MAGI2: variants seen among roughly 807,000 people sequenced by gnomAD.
MAGI2 encodes membrane associated guanylate kinase, WW and PDZ domain containing 2, also known as membrane-associated guanylate kinase, WW and PDZ domain-containing protein 2.
In MAGI2, 35 loss-of-function variants were observed where a neutral mutation model predicts 133.3. The observed-to-expected ratio is 0.26, with a 90% CI of 0.20 to 0.35. The LOEUF is 0.35. Ranked by LOEUF, MAGI2 falls within the 10% of genes least tolerant of loss-of-function variation. The probability of loss-of-function intolerance (pLI) is 1.00; values close to 1 mark genes in which losing one functional copy is unlikely to be tolerated. For synonymous variants in MAGI2, 729 were observed against 710.6 expected, an observed-to-expected ratio of 1.03 and a Z score of -0.41; for missense variants, 1,636 against 1,863.4, an observed-to-expected ratio of 0.88 and a Z score of 2.25.
chr7:79,271,680 T>TTG (rs66682232), intron 1 of MAGI2, among the ~76,000 whole-genome samples: 42 of 151,568 alleles, frequency 2.8e-4, no homozygotes, highest in Admixed American at 7.2e-4. Context: ...TTTTTTTTTT[T>TTG]TGTGAAGACT....
intron 1 of MAGI2, among the ~76,000 whole-genome samples, chr7:79,184,537 T>G (rs1480958875): frequency 6.6e-6 from 1 of 151,804 alleles, no homozygotes; most frequent in East Asian, 1.9e-4. Context: ...ATGTTCACTC[T>G]ATAGCAGTAG....
intron 2 of MAGI2, among the ~76,000 whole-genome samples, chr7:78,922,025 T>C (rs1022249417): frequency 2.0e-5 from 3 of 152,128 alleles, no homozygotes; most frequent in Admixed American, 1.3e-4. Context: ...TGAAGAAATA[T>C]GATTTCCTAC....
chr7:78,127,364 G>A lies in MAGI2; in HGVS notation c.3256C>T (p.Pro1086Ser). The A allele has an allele frequency of 6.2e-7, 1 of 1,608,590 alleles. No homozygotes were observed. Among genetic ancestry groups the A allele is most frequent in the African/African-American group, 1.3e-5 (1 of 75,052 alleles). ...RQDVKPDIRQ[P>S]PFTDYRQPPL... ...GGCTGCCTGTAGTCTGTGAATGGAGGCTGTCGGATGTCTGGTTTCACATCT... is the reference window on the plus strand; with the variant it reads ...GGCTGCCTGTAGTCTGTGAATGGAGACTGTCGGATGTCTGGTTTCACATCT... The change falls in exon 19 of 22, where the codon CCT becomes TCT. Residue 1086 changes from proline (P) to serine (S), a missense_variant. By Grantham distance (74) the Pro-to-Ser change is moderately conservative. Transcript: ENST00000354212.
intron 6 of MAGI2, among the ~76,000 whole-genome samples, chr7:78,375,838 A>G (rs1452927013): frequency 6.6e-6 from 1 of 152,034 alleles, no homozygotes; most frequent in African/African-American, 2.4e-5. Context: ...GGTCTTTAGG[A>G]GTTTGAGGAA....
intron 2 of MAGI2, among the ~76,000 whole-genome samples, chr7:78,880,707 C>G (rs952483907): frequency 2.0e-5 from 3 of 152,136 alleles, no homozygotes; most frequent in African/African-American, 4.8e-5. Flanking sequence ...ATGATAGAAT[C>G]AAAACCTCAC....
At chr7:78,832,371 G>A (rs1020458676) in intron 2 of MAGI2, among the ~76,000 whole-genome samples, 1 of 152,004 alleles carries the variant, frequency 6.6e-6, no homozygotes, top group African/African-American at 2.4e-5. Flanking sequence ...GGAAATACAT[G>A]AATACATAAA....
intron 21 of MAGI2, among the ~76,000 whole-genome samples, chr7:78,068,846 C>T (rs41451946): frequency 0.043 from 6,567 of 152,186 alleles, 191 homozygotes; most frequent in South Asian, 0.076. Context: ...TTTGAGCAGC[C>T]GGGCTTTGTT....
At chr7:78,954,252 T>G (rs1340866299) in intron 2 of MAGI2, among the ~76,000 whole-genome samples, 1 of 152,102 alleles carries the variant, frequency 6.6e-6, no homozygotes, top group East Asian at 1.9e-4. Context: ...TTTTCAGCAA[T>G]AAGTTTTTAT....
chr7:78,478,335 G>T (rs1199528166), intron 6 of MAGI2, among the ~76,000 whole-genome samples: 2 of 151,844 alleles, frequency 1.3e-5, no homozygotes, highest in Admixed American at 1.3e-4. Flanking sequence ...AGGCCTTAAT[G>T]TCTCTAGTTT....
intron 2 of MAGI2, among the ~76,000 whole-genome samples, chr7:78,767,345 C>T (rs1825134796): frequency 6.7e-6 from 1 of 149,020 alleles, no homozygotes; most frequent in Admixed American, 6.7e-5. Flanking sequence ...AAAGGCAACA[C>T]ACTTTTTTTT....
intron 1 of MAGI2, among the ~76,000 whole-genome samples, chr7:79,400,082 C>T (rs1285361056): frequency 1.3e-5 from 2 of 152,082 alleles, no homozygotes; most frequent in Non-Finnish European, 2.9e-5. Context: ...TTAGTAAAAG[C>T]CCATTTTTCT....
rs563177658 is a variant in MAGI2 at position 78,512,862 on chromosome 7, T to C, written c.754+8568A>G. Among the ~76,000 whole-genome samples the C allele has an allele frequency of 9.2e-5, 14 of 152,296 alleles. No homozygotes were observed. In the East Asian group the frequency reaches 2.7e-3, roughly 29 times the overall value. ...TTATGAAAATAGAAAATTCAAAGTC[T>C]GTGGGTAGAAGGTGACAAGGAAAAC... On this transcript the variant is annotated intron_variant, in intron 4 of 21. Transcript: ENST00000354212.
intron 6 of MAGI2, among the ~76,000 whole-genome samples, chr7:78,402,518 T>A (rs1364811609): frequency 6.6e-6 from 1 of 152,208 alleles, no homozygotes; most frequent in Admixed American, 6.5e-5. Context: ...TTTATGCATT[T>A]GGAATTTTCA....
intron 2 of MAGI2, among the ~76,000 whole-genome samples, chr7:79,000,554 T>C (rs111772971): frequency 0.052 from 7,938 of 152,284 alleles, 265 homozygotes; most frequent in Non-Finnish European, 0.08. Flanking sequence ...TCTGTGATCA[T>C]AGTCTTCTAG....
intron 6 of MAGI2, among the ~76,000 whole-genome samples, chr7:78,458,318 G>C (rs921209907): frequency 2.3e-5 from 3 of 130,298 alleles, no homozygotes; most frequent in African/African-American, 8.0e-5. Flanking sequence ...AAGAATAAAA[G>C]AGTAAAATTG....
chr7:79,043,561 A>G (rs1468283423), intron 1 of MAGI2, among the ~76,000 whole-genome samples: 14 of 150,812 alleles, frequency 9.3e-5, no homozygotes, highest in African/African-American at 2.2e-4. Context: ...AAAAAAAAAA[A>G]AAAGAAATTG....
At chr7:79,090,045 A>C (rs1816915687) in intron 1 of MAGI2, among the ~76,000 whole-genome samples, 1 of 152,114 alleles carries the variant, frequency 6.6e-6, no homozygotes, top group African/African-American at 2.4e-5. Context: ...ATTAAAAAAT[A>C]GAAGATTTTT....
rs140466499 is a variant in MAGI2 at position 79,418,581 on chromosome 7, A to G, written c.301+34439T>C. 4.3e-4 allele frequency among the ~76,000 whole-genome samples: 65 copies of G among 152,118 alleles called. No homozygotes were observed. The East Asian group carries it at 0.012, about 28-fold the overall frequency. The stretch of plus-strand genomic sequence containing the variant: ...TAACATGAAAGCTGTGGTTGCTGCC[A>G]TCTTAGAACACAGGACTTTAGTTAC... On this transcript the variant is annotated intron_variant, in intron 1 of 21. Coordinates refer to ENST00000354212, the MANE Select transcript of MAGI2 (RefSeq NM_012301.4).
At chr7:79,120,877 T>G (rs1046267098) in intron 1 of MAGI2, among the ~76,000 whole-genome samples, 42 of 152,206 alleles carry the variant, frequency 2.8e-4, no homozygotes, top group African/African-American at 9.9e-4. Flanking sequence ...TATATACTTC[T>G]CTGGATTTTA....
Sources: gnomAD v4.1 joint callset for allele counts (sites outside exome capture counted in the v4.1 genomes callset) on GRCh38, gnomAD v4.1.1 for gene constraint, MANE v1.5 for transcripts, NCBI Gene and HGNC (gene_info 2026-07-23, HGNC 2026-07-21) for gene names.